The following SORBS2 variants were observed in gnomAD, a reference collection of about 807,000 sequenced individuals.
The protein encoded by SORBS2 is sorbin and SH3 domain-containing protein 2.
Under a neutral mutation model 97.7 loss-of-function variants are expected in SORBS2, and 46 were observed. The observed-to-expected ratio is 0.47, with a 90% CI of 0.37 to 0.60. The LOEUF (loss-of-function observed/expected upper bound fraction) is 0.60. Among genes scored for constraint, SORBS2 ranks in the 20% least tolerant of loss-of-function variants. The probability of loss-of-function intolerance (pLI) is 0.00; values close to 1 mark genes in which losing one functional copy is unlikely to be tolerated. For synonymous variants in SORBS2, 476 were observed against 473.4 expected, an observed-to-expected ratio of 1.01 and a Z score of -0.07; for missense variants, 1,316 against 1,282.3, an observed-to-expected ratio of 1.03 and a Z score of -0.40.
At chr4:185,797,046 G>T (rs1007652409) in intron 1 of SORBS2, among the ~76,000 whole-genome samples, 1 of 152,170 alleles carries the variant, frequency 6.6e-6, no homozygotes, top group Non-Finnish European at 1.5e-5. Context: ...CCCACCTCAC[G>T]CACTTCTTCA....
chr4:185,889,012 C>T (rs2099241118), intron 1 of SORBS2, among the ~76,000 whole-genome samples: 1 of 152,218 alleles, frequency 6.6e-6, no homozygotes, highest in Admixed American at 6.5e-5. Flanking sequence ...GTCATTATGC[C>T]TTGTGAGGCG....
chr4:185,831,257 C>T (rs1477956808), intron 1 of SORBS2, among the ~76,000 whole-genome samples: 1 of 152,194 alleles, frequency 6.6e-6, no homozygotes, highest in East Asian at 1.9e-4. Context: ...GAGCAGATTG[C>T]TCTGGCCAAA....
chr4:185,681,415 A>C (rs2097864787), intron 2 of SORBS2, among the ~76,000 whole-genome samples: 1 of 150,566 alleles, frequency 6.6e-6, no homozygotes, highest in African/African-American at 2.5e-5. Context: ...AAAAAAAAAA[A>C]GTCGCCCAGG....
At chr4:185,776,848 T>C (rs10006410) in intron 1 of SORBS2, among the ~76,000 whole-genome samples, 82,772 of 148,074 alleles carry the variant, frequency 0.56, 23,859 homozygotes, top group Non-Finnish European at 0.65. Flanking sequence ...TGCGGTGAGC[T>C]GAGATCGCAC....
intron 1 of SORBS2, among the ~76,000 whole-genome samples, chr4:185,917,189 A>G: frequency 6.6e-6 from 1 of 152,186 alleles, no homozygotes; most frequent in Non-Finnish European, 1.5e-5. Context: ...CCCTTCCCTC[A>G]TACCCTGCCC....
At position 185,820,606 on chromosome 4, in the gene SORBS2, C is replaced by G. The variant is rs146052370; in HGVS notation, c.-337-45240G>C. ...GACAGAGGCTAGGGAGCAGCGTGCG[C>G]GGACACCTTGCCTGCGGGGAAGGCC... On this transcript the variant is annotated intron_variant, in intron 1 of 20. Coordinates refer to the SORBS2 transcript ENST00000284776. 1.2e-3 allele frequency among the ~76,000 whole-genome samples: 179 copies of G among 152,298 alleles called. 1 individual carries two copies. Among genetic ancestry groups the G allele is most frequent in the African/African-American group, 4.1e-3 (170 of 41,554 alleles).
intron 2 of SORBS2, among the ~76,000 whole-genome samples, chr4:185,701,018 A>T: frequency 6.6e-6 from 1 of 152,206 alleles, no homozygotes; most frequent in Non-Finnish European, 1.5e-5. Flanking sequence ...TTGTTGTTTC[A>T]TAATACTCTA....
intron 2 of SORBS2, among the ~76,000 whole-genome samples, chr4:185,754,204 A>C (rs928517418): frequency 6.6e-6 from 1 of 152,164 alleles, no homozygotes; most frequent in Non-Finnish European, 1.5e-5. Context: ...GGAGAAGAAA[A>C]CCAAATTCTA....
Position 185,606,201 on chromosome 4 carries a change from A to G in SORBS2, c.2796+5579T>C. The G allele has an allele frequency of 1.0e-6, 1 of 985,436 alleles. No homozygotes were observed. Among genetic ancestry groups the G allele is most frequent in the Non-Finnish European group, 1.2e-6 (1 of 829,930 alleles). 61.0% of individuals were successfully genotyped at this position (985,436 alleles called of 1,614,324 possible). On this transcript the variant is annotated intron_variant, in intron 12 of 14. Coordinates refer to ENST00000418609, the Ensembl canonical transcript of SORBS2. The surrounding 1 kb of genome is among the most constrained non-coding windows in gnomAD (Gnocchi z 4.3). The stretch of plus-strand genomic sequence containing the variant: ...CCTCTTCTCTAAAGTGGGGATGATA[A>G]TGTCACACACCTCACTGGGTTTTGA...
In SORBS2 at chr4:185,704,414, G is replaced by A. The variant is rs141695588; in HGVS notation, c.-197-25592C>T. ...GCTCACTGCAACCTCTGCCTCCCAGGTTCAAGCTCTTCTCCTGCCTCAGCC... is the reference window on the plus strand; with the variant it reads ...GCTCACTGCAACCTCTGCCTCCCAGATTCAAGCTCTTCTCCTGCCTCAGCC... On this transcript the variant is annotated intron_variant, in intron 2 of 20. Coordinates refer to the SORBS2 transcript ENST00000284776. Among the ~76,000 whole-genome samples the A allele has an allele frequency of 4.3e-3, 645 of 151,546 alleles. 10 individuals are homozygous for A. Among genetic ancestry groups the A allele is most frequent in the African/African-American group, 0.015 (619 of 40,898 alleles).
At chr4:185,672,771 C>T (rs1032803192) in intron 4 of SORBS2, among the ~76,000 whole-genome samples, 1 of 152,136 alleles carries the variant, frequency 6.6e-6, no homozygotes, top group African/African-American at 2.4e-5. Flanking sequence ...TCCTGGGAGC[C>T]TAATTCTTTA....
At chr4:185,921,368 G>C (rs896693013) in intron 1 of SORBS2, among the ~76,000 whole-genome samples, 3 of 152,174 alleles carry the variant, frequency 2.0e-5, no homozygotes, top group Non-Finnish European at 4.4e-5. Context: ...TTACGGAGTT[G>C]CTCAAGTTAA....
intron 5 of SORBS2, 150 bp from the exon 18 acceptor site, chr4:185,627,169 C>A: frequency 1.6e-6 from 1 of 635,012 alleles, no homozygotes; most frequent in Non-Finnish European, 2.8e-6. Context: ...CCTTGATGTT[C>A]AACATGATTT....
At chr4:185,855,557 A>C (rs2099220257) in intron 1 of SORBS2, among the ~76,000 whole-genome samples, 1 of 152,144 alleles carries the variant, frequency 6.6e-6, no homozygotes, top group Non-Finnish European at 1.5e-5. Context: ...AAGTACATTG[A>C]TCTGGTAACA....
chr4:185,600,825 G>A (rs1336482146), intron 12 of SORBS2, among the ~76,000 whole-genome samples: 2 of 151,768 alleles, frequency 1.3e-5, no homozygotes, highest in Non-Finnish European at 2.9e-5. Context: ...CACATAAGAA[G>A]AAAATAAGGC....
chr4:185,606,458 T>C lies in SORBS2; in HGVS notation c.2796+5322A>G, dbSNP rs2096421337. ...ATACCCACTCCACCCCCATCTTATA[T>C]AGTATTTGTGTTTTTTGTTTAAAAA... On this transcript the variant is annotated intron_variant, in intron 12 of 14. Coordinates refer to ENST00000418609, the Ensembl canonical transcript of SORBS2. The surrounding 1 kb of genome is among the most constrained non-coding windows in gnomAD (Gnocchi z 4.3). 2 of 976,836 alleles carry C rather than the reference T, an allele frequency of 2.0e-6. No homozygotes were observed. The highest frequency in any genetic ancestry group is 2.4e-6 in the Non-Finnish European group (2 of 822,120). The allele number at this position is 976,836 out of a possible 1,614,324, so 60.5% of individuals were successfully genotyped here.
exon 3 of SORBS2, chr4:185,649,548 T>A: frequency 6.2e-7 from 1 of 1,606,466 alleles, no homozygotes; most frequent in East Asian, 2.3e-5. Context: ...GGAGGACGCA[T>A]CCTTAAAGGC....
intron 1 of SORBS2, among the ~76,000 whole-genome samples, chr4:185,837,495 G>A (rs1023887340): frequency 1.3e-5 from 2 of 152,184 alleles, no homozygotes; most frequent in Non-Finnish European, 2.9e-5. Context: ...GTATGAGAAA[G>A]GTTCTCATGC....
At chr4:185,655,542 A>G (rs2097384858) in intron 1 of SORBS2, among the ~76,000 whole-genome samples, 1 of 152,224 alleles carries the variant, frequency 6.6e-6, no homozygotes, top group South Asian at 2.1e-4. Context: ...GGTCCAAGTA[A>G]GACAACAATT....
Sources: gnomAD v4.1 joint callset for allele counts (sites outside exome capture counted in the v4.1 genomes callset) on GRCh38, gnomAD v4.1.1 for gene constraint, Gnocchi (gnomAD v3.1) non-coding constraint, MANE v1.5 for transcripts, NCBI Gene and HGNC (gene_info 2026-07-23, HGNC 2026-07-21) for gene names.